Variants in ALK observed in about 807,000 individuals in gnomAD.
ALK encodes ALK receptor tyrosine kinase, also known as ALK tyrosine kinase receptor.
A neutral mutation model predicts 163.1 loss-of-function variants in ALK; 74 were observed. The observed-to-expected ratio is 0.45, with a 90% CI of 0.38 to 0.55. The LOEUF (loss-of-function observed/expected upper bound fraction) is 0.55. ALK is among the 20% of genes least tolerant of loss of function. The pLI is 0.00. For synonymous variants in ALK, 960 were observed against 843.2 expected, an observed-to-expected ratio of 1.14 and a Z score of -2.40; for missense variants, 2,063 against 2,105.3, an observed-to-expected ratio of 0.98 and a Z score of 0.39.
intron 1 of ALK, among the ~76,000 whole-genome samples, chr2:29,916,813 G>A (rs943213855): frequency 2.6e-5 from 4 of 152,146 alleles, no homozygotes; most frequent in African/African-American, 9.7e-5. Context: ...GATACAAACT[G>A]GAGCTGTGGG....
At chr2:29,477,298 A>G (rs1280867098) in intron 4 of ALK, among the ~76,000 whole-genome samples, 1 of 152,208 alleles carries the variant, frequency 6.6e-6, no homozygotes, top group Non-Finnish European at 1.5e-5. Flanking sequence ...GGGCTTTGCT[A>G]TATACCAGCT....
intron 1 of ALK, among the ~76,000 whole-genome samples, chr2:29,887,618 A>T (rs144451766): frequency 2.0e-3 from 302 of 152,304 alleles, no homozygotes; most frequent in African/African-American, 6.8e-3. Context: ...ATCTTGTCAA[A>T]GTGCAGATTC....
chr2:29,472,232 A>C (rs1558339078), intron 4 of ALK, among the ~76,000 whole-genome samples: 1 of 152,212 alleles, frequency 6.6e-6, no homozygotes, highest in Non-Finnish European at 1.5e-5. Flanking sequence ...GTGAGTAAAC[A>C]AGCTTTCAAA....
chr2:29,908,936 T>C (rs1266008179), intron 1 of ALK, among the ~76,000 whole-genome samples: 1 of 152,004 alleles, frequency 6.6e-6, no homozygotes, highest in Non-Finnish European at 1.5e-5. Context: ...ACTTGGCAAG[T>C]GCTCAATTTA....
chr2:29,830,837 A>T (rs1361990758), intron 1 of ALK, among the ~76,000 whole-genome samples: 1 of 146,534 alleles, frequency 6.8e-6, no homozygotes, highest in Non-Finnish European at 1.5e-5. Flanking sequence ...CCAGGAGTAC[A>T]AGGCTGCAGT....
chr2:29,809,038 C>T (rs897648370), intron 1 of ALK, among the ~76,000 whole-genome samples: 1 of 152,216 alleles, frequency 6.6e-6, no homozygotes, highest in Non-Finnish European at 1.5e-5. Flanking sequence ...GATTGCTTCA[C>T]CAAACCAGTG....
At chr2:29,443,429 C>T (rs551266501) in intron 4 of ALK, among the ~76,000 whole-genome samples, 15 of 152,272 alleles carry the variant, frequency 9.9e-5, no homozygotes, top group Admixed American at 3.9e-4. Flanking sequence ...AGGAGTGCCC[C>T]GTATGTAAGG....
chr2:29,685,806 G>A (rs1426254702), intron 3 of ALK, among the ~76,000 whole-genome samples: 1 of 152,196 alleles, frequency 6.6e-6, no homozygotes, highest in Non-Finnish European at 1.5e-5. Flanking sequence ...ATGGGTTGGT[G>A]GAACTGCGTT....
Position 29,786,125 on chromosome 2 carries a change from C to T in ALK, c.668-68428G>A, listed in dbSNP as rs561774271. Among the ~76,000 whole-genome samples the T allele has an allele frequency of 2.0e-5, 3 of 152,274 alleles. No homozygotes were observed. In the East Asian group the frequency reaches 5.8e-4, roughly 29 times the overall value. On this transcript the variant is annotated intron_variant, in intron 1 of 28. Coordinates refer to ENST00000389048, the MANE Select transcript of ALK (RefSeq NM_004304.5). The stretch of plus-strand genomic sequence containing the variant: ...ATGATTGACGTTCCCCTTTTAATGA[C>T]GAATGCTACCGATTTTCACGTCCCT...
chr2:29,658,107 T>G (rs1008222931), intron 3 of ALK, among the ~76,000 whole-genome samples: 2 of 152,128 alleles, frequency 1.3e-5, no homozygotes, highest in Non-Finnish European at 2.9e-5. Flanking sequence ...TCCTCTCCTG[T>G]CCACTGTCCA....
chr2:29,636,830 C>T (rs1676547817), intron 3 of ALK, among the ~76,000 whole-genome samples: 1 of 152,118 alleles, frequency 6.6e-6, no homozygotes, highest in African/African-American at 2.4e-5. Flanking sequence ...GGAAAATAAG[C>T]ACACGAAAGA....
intron 11 of ALK, among the ~76,000 whole-genome samples, chr2:29,256,013 C>T (rs979534002): frequency 5.9e-5 from 9 of 152,152 alleles, no homozygotes; most frequent in South Asian, 2.1e-4. Context: ...ATCAGCTCTA[C>T]GCTAAGACAG....
intron 2 of ALK, among the ~76,000 whole-genome samples, chr2:29,704,035 G>A (rs1362396927): frequency 6.6e-6 from 1 of 152,168 alleles, no homozygotes; most frequent in Non-Finnish European, 1.5e-5. Flanking sequence ...CCCTCCAGCT[G>A]AGACTGGTTT....
chr2:29,291,196 G>C (rs4666192), intron 9 of ALK, among the ~76,000 whole-genome samples: 147,124 of 151,956 alleles, frequency 0.97, 71,438 homozygotes, highest in East Asian at 1. Context: ...GACCCTGTCT[G>C]TACAATTTTT....
At chr2:29,781,225 C>G (rs1681322867) in intron 1 of ALK, among the ~76,000 whole-genome samples, 1 of 152,226 alleles carries the variant, frequency 6.6e-6, no homozygotes. Context: ...GTGGAGGCAG[C>G]AGCTTGTTCC....
At chr2:29,882,601 G>A (rs1666893273) in intron 1 of ALK, among the ~76,000 whole-genome samples, 1 of 152,172 alleles carries the variant, frequency 6.6e-6, no homozygotes, top group African/African-American at 2.4e-5. Context: ...GGCTGAGGCA[G>A]GAGAATCACT....
intron 4 of ALK, among the ~76,000 whole-genome samples, chr2:29,395,969 T>A (rs1669293156): frequency 1.3e-5 from 2 of 152,302 alleles, no homozygotes; most frequent in East Asian, 1.9e-4. Context: ...TCCCATGTCA[T>A]GGAAAACTTT....
intron 4 of ALK, among the ~76,000 whole-genome samples, chr2:29,482,742 TAACAACAAC>T (rs67779903): frequency 4.0e-5 from 6 of 150,910 alleles, no homozygotes; most frequent in Admixed American, 3.3e-4. Flanking sequence ...AAAACAACAA[TAACAACAAC>T]AACAACAACA....
At chr2:29,272,185 G>GGAGGGA (rs1553402255) in intron 11 of ALK, among the ~76,000 whole-genome samples, 1 of 145,232 alleles carries the variant, frequency 6.9e-6, no homozygotes. Context: ...GTCGGGTGAG[G>GGAGGGA]GAGAGAGAGA....
Sources: allele counts gnomAD v4.1 joint callset (sites outside exome capture counted in the v4.1 genomes callset), GRCh38; gene constraint gnomAD v4.1.1; transcripts MANE v1.5; gene names NCBI Gene and HGNC (gene_info 2026-07-23, HGNC 2026-07-21).